The following EML6 variants were observed in gnomAD, a reference collection of about 807,000 sequenced individuals.
EML6 encodes EMAP like 6.
In EML6, 154 loss-of-function variants were observed where a neutral mutation model predicts 240.1. The ratio of observed to expected loss-of-function variants is 0.64; its 90% CI spans 0.56 to 0.73. The LOEUF is 0.73. Ranked by LOEUF, EML6 falls within the 30% of genes least tolerant of loss-of-function variation. The pLI is 0.00. For synonymous variants in EML6, 1,148 were observed against 899.0 expected, an observed-to-expected ratio of 1.28 and a Z score of -4.95; for missense variants, 2,964 against 2,474.6, an observed-to-expected ratio of 1.20 and a Z score of -4.20.
At chr2:54,772,153 G>C (rs919866157) in intron 2 of EML6, among the ~76,000 whole-genome samples, 1 of 152,236 alleles carries the variant, frequency 6.6e-6, no homozygotes, top group Non-Finnish European at 1.5e-5. Context: ...AACTATTTAT[G>C]AAATTCCTGC....
intron 2 of EML6, among the ~76,000 whole-genome samples, chr2:54,744,757 C>A (rs1417186881): frequency 6.6e-6 from 1 of 151,978 alleles, no homozygotes; most frequent in East Asian, 1.9e-4. Context: ...CTATTTCAGA[C>A]ATGCTGAGTT....
intron 2 of EML6, among the ~76,000 whole-genome samples, chr2:54,729,757 C>T (rs1683072848): frequency 6.6e-6 from 1 of 152,198 alleles, no homozygotes; most frequent in Non-Finnish European, 1.5e-5. Flanking sequence ...ACTTGCTTAT[C>T]CTCTGTTGGT....
At chr2:54,845,795 G>A (rs1423185692) in intron 8 of EML6, among the ~76,000 whole-genome samples, 2 of 152,170 alleles carry the variant, frequency 1.3e-5, no homozygotes, top group African/African-American at 2.4e-5. Context: ...TGGAAGGGAT[G>A]TGCCCCATCC....
intron 26 of EML6, among the ~76,000 whole-genome samples, chr2:54,922,113 C>T (rs180776828): frequency 1.3e-5 from 2 of 152,192 alleles, no homozygotes; most frequent in East Asian, 3.9e-4. Flanking sequence ...AAACAATCAA[C>T]AAAATGAAAA....
At chr2:54,961,184 G>GTTGTTGTTTTTTTTTT in intron 35 of EML6, among the ~76,000 whole-genome samples, 2 of 55,424 alleles carry the variant, frequency 3.6e-5, no homozygotes, top group African/African-American at 1.6e-4. Flanking sequence ...TCAGGAAGTA[G>GTTGTTGTTTTTTTTTT]TTTTTTTTTT....
chr2:54,879,710 T>C (rs1671717579), intron 17 of EML6, 70 bp downstream of exon 17: 9 of 948,238 alleles, frequency 9.5e-6, no homozygotes, highest in Non-Finnish European at 1.4e-5. Flanking sequence ...TAGTTTTCAT[T>C]TTCTGGTAAG....
rs1397702716 is a variant in EML6 at position 54,950,881 on chromosome 2, T to C, written c.4213+102T>C. On this transcript the variant is annotated intron_variant, in intron 30 of 41. Transcript: ENST00000356458. ...AAGCTTAAGCATTTTCCTTCCCTTA[T>C]AGAGCCATTCCCCCCAATTCCAGCA... 50 of 1,242,900 alleles carry C rather than the reference T, an allele frequency of 4.0e-5. No individual in the cohort carries two copies. The East Asian group carries it at 1.1e-3, about 27-fold the overall frequency. 77.0% of individuals were successfully genotyped at this position (1,242,900 alleles called of 1,614,324 possible).
Position 54,863,851 on chromosome 2 carries a change from G to C in EML6, c.1894G>C (p.Asp632His). 2 of 1,547,950 alleles carry C rather than the reference G, an allele frequency of 1.3e-6. No individual in the cohort carries two copies. The highest frequency in any genetic ancestry group is 1.7e-6 in the Non-Finnish European group (2 of 1,145,426). ...ATCTGATGTGCCCGAACTGGACTCT[G>C]ATATTGAGCAAGAAGCTCAAATCAA... ...DLSDVPELDS[D>H]IEQEAQINYD... The change falls in exon 13 of 42, where the codon GAT (aspartate) becomes CAT (histidine). Residue 632 changes from aspartate to histidine, a missense_variant. Transcript: ENST00000356458.
At chr2:54,944,552 G>A (rs186536486) in intron 28 of EML6, among the ~76,000 whole-genome samples, 247 of 151,986 alleles carry the variant, frequency 1.6e-3, no homozygotes, top group Non-Finnish European at 2.4e-3. Context: ...TTCCCTTTAC[G>A]CCACCCTTTG....
At chr2:54,958,805 C>G (rs1237394090) in intron 33 of EML6, among the ~76,000 whole-genome samples, 1 of 152,152 alleles carries the variant, frequency 6.6e-6, no homozygotes, top group African/African-American at 2.4e-5. Context: ...TGCCCCATCC[C>G]TGCTGTCACT....
At chr2:54,929,692 A>ACCT (rs67666233) in intron 28 of EML6, among the ~76,000 whole-genome samples, 420 of 143,150 alleles carry the variant, frequency 2.9e-3, no homozygotes, top group Middle Eastern at 0.01. Context: ...AAGAAATGTA[A>ACCT]CCTCCTCCTC....
intron 39 of EML6, 49 bp from the exon 40 acceptor site, chr2:54,968,079 C>T (rs781284105): frequency 3.3e-6 from 5 of 1,530,704 alleles, no homozygotes; most frequent in South Asian, 2.4e-5. Flanking sequence ...CTGCAAGGAG[C>T]CTTCGCCGTG....
At chr2:54,779,865 G>GGA (rs1668770915) in intron 2 of EML6, among the ~76,000 whole-genome samples, 1 of 113,154 alleles carries the variant, frequency 8.8e-6, no homozygotes, top group South Asian at 2.8e-4. Flanking sequence ...CAAAAAAAAA[G>GGA]AAAAAAAAAA....
Position 54,896,290 on chromosome 2 carries a change from C to G in EML6, c.2982+890C>G, listed in dbSNP as rs181703037. Among the ~76,000 whole-genome samples the G allele has an allele frequency of 5.1e-4, 77 of 152,278 alleles. 1 individual carries two copies. The East Asian group carries it at 0.013, about 25-fold the overall frequency. ...CCATAAAATGAACAAGACAAATTAC[C>G]TGCTCCCCACATGCCAGATGCACCT... On this transcript the variant is annotated intron_variant, in intron 21 of 41. Transcript: ENST00000356458.
chr2:54,724,209 T>G lies in EML6; in HGVS notation c.-513-340T>G, dbSNP rs894778774. On this transcript the variant is annotated intron_variant, in intron 1 of 41. Transcript: ENST00000356458. The surrounding 1 kb of genome is among the most constrained non-coding windows in gnomAD (Gnocchi z 5.2). ...TGATCAATGAGAGCTGCTAAGTTCT[T>G]TATGGCTTTCTCGGTGAAGAGAAGG... Among the ~76,000 whole-genome samples the G allele has an allele frequency of 7.9e-5, 12 of 152,128 alleles. No homozygotes were observed. Among genetic ancestry groups the G allele is most frequent in the African/African-American group, 2.9e-4 (12 of 41,426 alleles).
chr2:54,840,834 C>T (rs371990371), intron 7 of EML6, among the ~76,000 whole-genome samples: 2 of 152,180 alleles, frequency 1.3e-5, no homozygotes, highest in African/African-American at 4.8e-5. Context: ...ACAATAAATA[C>T]AGTAAAAGTA....
chr2:54,850,214 G>GCC lies in EML6; in HGVS notation c.1441_1442dup (p.Ser482HisfsTer6). The GCC allele has an allele frequency of 6.4e-7, 1 of 1,550,882 alleles. No individual in the cohort carries two copies. The highest frequency in any genetic ancestry group is 8.7e-7 in the Non-Finnish European group (1 of 1,146,304). On this transcript the variant is annotated frameshift_variant, in exon 10 of 42. Coordinates refer to ENST00000356458, the MANE Select transcript of EML6 (RefSeq NM_001039753.4). LOFTEE classifies it high-confidence loss of function. ...CAGGAGAACGATTGTTCTACAGAAT[G>GCC]CCATGTAAGTCATGTGGAGGCCTTG...
intron 2 of EML6, among the ~76,000 whole-genome samples, chr2:54,801,292 G>C (rs1670128871): frequency 6.6e-6 from 1 of 150,458 alleles, no homozygotes; most frequent in South Asian, 2.1e-4. Context: ...TCCAGCCTGG[G>C]CTACAGAGCG....
chr2:54,790,486 G>C (rs926638692), intron 2 of EML6, among the ~76,000 whole-genome samples: 4 of 152,136 alleles, frequency 2.6e-5, no homozygotes, highest in South Asian at 2.1e-4. Context: ...CTCTTAATCT[G>C]TGTGTACAAC....
Sources: allele counts gnomAD v4.1 joint callset (sites outside exome capture counted in the v4.1 genomes callset), GRCh38; gene constraint gnomAD v4.1.1; non-coding constraint Gnocchi (gnomAD v3.1); transcripts MANE v1.5; gene names NCBI Gene and HGNC (gene_info 2026-07-23, HGNC 2026-07-21).